IL12RB2: variants seen among roughly 807,000 people sequenced by gnomAD.
IL12RB2 encodes the protein interleukin 12 receptor subunit beta 2.
A neutral mutation model predicts 89.4 loss-of-function variants in IL12RB2; 82 were observed. The ratio of observed to expected loss-of-function variants is 0.92; its 90% CI spans 0.77 to 1.10. The LOEUF (loss-of-function observed/expected upper bound fraction) is 1.10, where lower values mean the gene tolerates loss of function less well. Ranked by LOEUF, IL12RB2 falls within the 50% of genes least tolerant of loss-of-function variation. The probability of loss-of-function intolerance (pLI) is 0.00; values close to 1 mark genes in which losing one functional copy is unlikely to be tolerated. For synonymous variants in IL12RB2, 368 were observed against 370.1 expected (o/e 0.99, Z 0.07); for missense variants, 963 against 1,031.9 (o/e 0.93, Z 0.92).
At chr1:67,350,635 C>G (rs1297471819) in intron 9 of IL12RB2, among the ~76,000 whole-genome samples, 1 of 152,170 alleles carries the variant, frequency 6.6e-6, no homozygotes, top group East Asian at 1.9e-4. Flanking sequence ...AAAAGAAAAT[C>G]AATGCGTTCT....
chr1:67,315,701 A>C (rs950852612), intron 2 of IL12RB2, among the ~76,000 whole-genome samples: 15 of 152,248 alleles, frequency 9.9e-5, no homozygotes, highest in African/African-American at 3.4e-4. Flanking sequence ...TGGATTGAGC[A>C]AAGAATAGTA....
At chr1:67,341,561 A>G (rs899620082) in intron 9 of IL12RB2, among the ~76,000 whole-genome samples, 1 of 142,118 alleles carries the variant, frequency 7.0e-6, no homozygotes, top group African/African-American at 2.6e-5. Flanking sequence ...GAAAGAAAGA[A>G]AGAAAGAAAG....
At chr1:67,361,722 G>T (rs541193189) in intron 10 of IL12RB2, among the ~76,000 whole-genome samples, 1 of 151,880 alleles carries the variant, frequency 6.6e-6, no homozygotes, top group East Asian at 1.9e-4. Context: ...AAAAAAGAAA[G>T]GAATAAAAGA....
At chr1:67,363,014 T>C (rs1225908391) in intron 10 of IL12RB2, among the ~76,000 whole-genome samples, 1 of 151,708 alleles carries the variant, frequency 6.6e-6, no homozygotes, top group Non-Finnish European at 1.5e-5. Context: ...GCGATTCTCC[T>C]GCCTCAGCCT....
intron 1 of IL12RB2, among the ~76,000 whole-genome samples, 168 bp downstream of exon 1, chr1:67,308,135 A>G (rs1300259307): frequency 1.3e-5 from 2 of 151,942 alleles, no homozygotes; most frequent in Admixed American, 6.6e-5. Context: ...AAAGTCTTCC[A>G]ATACGATCCG....
intron 11 of IL12RB2, among the ~76,000 whole-genome samples, chr1:67,371,659 A>G (rs995091822): frequency 2.0e-5 from 3 of 152,240 alleles, no homozygotes; most frequent in African/African-American, 7.2e-5. Flanking sequence ...TCATGGAAAT[A>G]AGGAATTTTG....
chr1:67,386,633 TG>T lies in IL12RB2; in HGVS notation c.1912del (p.Val638TrpfsTer17). 6.2e-7 allele frequency: 1 copy of T among 1,613,630 alleles called. No individual in the cohort carries two copies. Among genetic ancestry groups the T allele is most frequent in the South Asian group, 1.1e-5 (1 of 91,076 alleles). ...CCAAGCATTTGCATTGCTATCATCA[TG>T]GTGGGCATTTTCTCAACGCATTACT... ...VAPSICIAIIMVGIFSTHYFQ... is the reference protein window; with the variant it reads ...VAPSICIAIIXVGIFSTHYFQ... On this transcript the variant is annotated frameshift_variant, in exon 15 of 17. Coordinates refer to ENST00000674203, the MANE Select transcript of IL12RB2 (RefSeq NM_001374259.2). LOFTEE classifies it high-confidence loss of function.
chr1:67,386,069 C>T (rs1030669461), intron 14 of IL12RB2, among the ~76,000 whole-genome samples: 4 of 151,882 alleles, frequency 2.6e-5, no homozygotes, highest in African/African-American at 4.8e-5. Context: ...ATTAGCCGGG[C>T]GTGGTGGCAC....
intron 4 of IL12RB2, among the ~76,000 whole-genome samples, chr1:67,324,647 G>C (rs930524637): frequency 4.6e-5 from 7 of 152,190 alleles, no homozygotes; most frequent in Non-Finnish European, 7.3e-5. Context: ...CACTGTGCCT[G>C]GCCCAGGACT....
At chr1:67,374,669 T>C (rs1487383774) in intron 13 of IL12RB2, among the ~76,000 whole-genome samples, 2 of 151,400 alleles carry the variant, frequency 1.3e-5, no homozygotes, top group Non-Finnish European at 2.9e-5. Context: ...AGAGGAGGGG[T>C]TTCACCATGT....
chr1:67,367,484 G>GAAGGAAGGAAGGAAGA (rs1662818247), intron 10 of IL12RB2, among the ~76,000 whole-genome samples: 1 of 137,074 alleles, frequency 7.3e-6, no homozygotes, highest in African/African-American at 2.7e-5. Flanking sequence ...AGGAAGGAAG[G>GAAGGAAGGAAGGAAGA]AAGCAAAGAA....
At chr1:67,312,189 G>A (rs572657461) in intron 1 of IL12RB2, among the ~76,000 whole-genome samples, 1 of 152,146 alleles carries the variant, frequency 6.6e-6, no homozygotes, top group African/African-American at 2.4e-5. Flanking sequence ...GATGGTGCCC[G>A]GGGCCTCTTT....
In IL12RB2 at chr1:67,396,074, C is replaced by T; in HGVS notation, c.2574C>T (p.Asp858=). 1 of 1,592,170 alleles carries T rather than the reference C, an allele frequency of 6.3e-7. No homozygotes were observed. Among genetic ancestry groups the T allele is most frequent in the Non-Finnish European group, 8.6e-7 (1 of 1,159,934 alleles). ...TGGATCAGTTAAAGATGAGGTGTGA[C>T]TCCCTCATGCTCTGAGTGGTGAGGC... ...LTLDQLKMRC[D]SLML is the part of the protein sequence containing the mutation. The change falls in exon 17 of 17, where the codon GAC becomes GAT. Residue 858 remains aspartate (D), a synonymous_variant. Coordinates refer to ENST00000674203, the MANE Select transcript of IL12RB2 (RefSeq NM_001374259.2).
At chr1:67,383,235 T>G (rs1044090075) in intron 14 of IL12RB2, among the ~76,000 whole-genome samples, 2 of 151,956 alleles carry the variant, frequency 1.3e-5, no homozygotes, top group Non-Finnish European at 1.5e-5. Flanking sequence ...TTGTGAGAAC[T>G]CACTCACTAT....
At chr1:67,312,565 T>C (rs1655214118) in intron 1 of IL12RB2, among the ~76,000 whole-genome samples, 1 of 151,238 alleles carries the variant, frequency 6.6e-6, no homozygotes, top group South Asian at 2.1e-4. Flanking sequence ...GAGTCTATTA[T>C]GTCAAATGGG....
At chr1:67,320,743 C>CT (rs529858928) in intron 3 of IL12RB2, among the ~76,000 whole-genome samples, 15 of 151,650 alleles carry the variant, frequency 9.9e-5, no homozygotes, top group East Asian at 3.9e-4. Context: ...TTTTTCTTTT[C>CT]TTTTTTTTAT....
chr1:67,333,353 T>C (rs148162361), intron 8 of IL12RB2, among the ~76,000 whole-genome samples: 1 of 151,814 alleles, frequency 6.6e-6, no homozygotes, highest in Non-Finnish European at 1.5e-5. Context: ...TGTGTACTCA[T>C]ATGTAACTTG....
intron 2 of IL12RB2, among the ~76,000 whole-genome samples, chr1:67,318,649 C>T (rs139410233): frequency 1.3e-5 from 2 of 152,140 alleles, no homozygotes; most frequent in East Asian, 1.9e-4. Flanking sequence ...GAATATCATT[C>T]GCTGAGATAG....
rs551057251 is a variant in IL12RB2, at chr1:67,353,464, G to C, written c.1258+2375G>C. 3.9e-5 allele frequency among the ~76,000 whole-genome samples: 6 copies of C among 152,332 alleles called. No individual in the cohort carries two copies. In the South Asian group the frequency reaches 1.2e-3, roughly 32 times the overall value. On this transcript the variant is annotated intron_variant, in intron 10 of 16. Transcript: ENST00000674203. The stretch of plus-strand genomic sequence containing the variant: ...TCACGCCTGTGGTTCCACTACTTGG[G>C]AGGATGAGGTGGAAGGATTTCTTGA...
Sources: allele counts gnomAD v4.1 joint callset (sites outside exome capture counted in the v4.1 genomes callset), GRCh38; gene constraint gnomAD v4.1.1; transcripts MANE v1.5; gene names NCBI Gene and HGNC (gene_info 2026-07-23, HGNC 2026-07-21).